The following NPEPPS variants were observed in gnomAD, a reference collection of about 807,000 sequenced individuals.
NPEPPS encodes the protein puromycin-sensitive aminopeptidase.
NPEPPS carries 14 observed loss-of-function variants against 115.5 expected under a neutral mutation model. That is an observed-to-expected ratio of 0.12 (90% CI 0.08 to 0.19). NPEPPS has a LOEUF of 0.19. Ranked by LOEUF, NPEPPS falls within the 10% of genes least tolerant of loss-of-function variation. The probability of loss-of-function intolerance (pLI) is 1.00; values close to 1 mark genes in which losing one functional copy is unlikely to be tolerated. For missense variants in NPEPPS, 523 were observed against 1,110.8 expected, an observed-to-expected ratio of 0.47 and a Z score of 7.52; for synonymous variants, 285 against 390.6, an observed-to-expected ratio of 0.73 and a Z score of 3.19.
chr17:47,586,628 T>C (rs1315014074), intron 8 of NPEPPS: 19 of 594,534 alleles, frequency 3.2e-5, no homozygotes, highest in Non-Finnish European at 4.4e-5. Context: ...GTAGCATTTT[T>C]AGATATATTC....
intron 1 of NPEPPS, among the ~76,000 whole-genome samples, chr17:47,535,549 C>CAA (rs1002859470): frequency 1.1e-4 from 10 of 88,904 alleles, no homozygotes; most frequent in Admixed American, 1.2e-4. Flanking sequence ...GGCTCCGTCT[C>CAA]AAAAAAAAAA....
chr17:47,541,778 A>G (rs1908786376), intron 1 of NPEPPS, among the ~76,000 whole-genome samples: 1 of 152,162 alleles, frequency 6.6e-6, no homozygotes, highest in Admixed American at 6.6e-5. Context: ...CAAAGGTTTT[A>G]GTGCTATTTA....
intron 17 of NPEPPS, among the ~76,000 whole-genome samples, chr17:47,607,352 G>A (rs1027553666): frequency 6.6e-6 from 1 of 152,152 alleles, no homozygotes; most frequent in African/African-American, 2.4e-5. Flanking sequence ...TTGAGACAGA[G>A]GAAACAGCAA....
chr17:47,584,481 C>A (rs1912067429), intron 5 of NPEPPS, among the ~76,000 whole-genome samples: 1 of 152,048 alleles, frequency 6.6e-6, no homozygotes, highest in African/African-American at 2.4e-5. Flanking sequence ...GAAAATAACT[C>A]TTTTATGTAT....
At chr17:47,588,570 A>C (rs1292376260) in intron 9 of NPEPPS, among the ~76,000 whole-genome samples, 1 of 152,136 alleles carries the variant, frequency 6.6e-6, no homozygotes, top group African/African-American at 2.4e-5. Context: ...ATCTCAAAAA[A>C]AAAAAAAGAA....
At chr17:47,608,842 C>G (rs1244177042) in intron 17 of NPEPPS, among the ~76,000 whole-genome samples, 2 of 152,294 alleles carry the variant, frequency 1.3e-5, no homozygotes, top group Non-Finnish European at 2.9e-5. Context: ...TCAGCTGTGT[C>G]AGATGCTACT....
rs1373868224 is a variant in NPEPPS at position 47,618,468 on chromosome 17, G to A, written c.2403+11G>A. ...ACGTTTGCACTTTCAGTAAGTTACG[G>A]TGAAAACTGCATTTAGAAGTGAATC... On this transcript the variant is annotated intron_variant, in intron 20 of 22. Coordinates refer to ENST00000322157, the MANE Select transcript of NPEPPS (RefSeq NM_006310.4). 5 of 1,552,196 alleles carry A rather than the reference G, an allele frequency of 3.2e-6. No homozygotes were observed. The highest frequency in any genetic ancestry group is 3.6e-6 in the Non-Finnish European group (4 of 1,123,704).
chr17:47,538,202 CT>C lies in NPEPPS; in HGVS notation c.255+6670del, dbSNP rs543559258. Among the ~76,000 whole-genome samples, 165 of 58,484 alleles carry C rather than the reference CT, an allele frequency of 2.8e-3. 1 individual carries two copies. The highest frequency in any genetic ancestry group is 0.025 in the Middle Eastern group (1 of 40). 38.4% of individuals were successfully genotyped at this position (58,484 alleles called of 152,430 possible). The stretch of plus-strand genomic sequence containing the variant: ...GCCACCGCGCCTAGCCATATCTGTT[CT>C]TTTTTTTTTTTTTTTTTTTTTTGAG... On this transcript the variant is annotated intron_variant, in intron 1 of 22. Transcript: ENST00000322157.
rs1454274189 is a variant in NPEPPS at position 47,621,859 on chromosome 17, G to A, written c.2699G>A (p.Arg900Gln). The A allele has an allele frequency of 2.5e-6, 4 of 1,613,796 alleles. No individual in the cohort carries two copies. Among genetic ancestry groups the A allele is most frequent in the Non-Finnish European group, 3.4e-6 (4 of 1,179,840 alleles). ...NILLNAAWLK[R>Q]DAESIHQYLL... is the part of the protein sequence containing the mutation. ...CTGCTGAATGCTGCCTGGCTAAAGC[G>A]AGATGCTGAGAGCATCCACCAGTAC... is the stretch of plus-strand genomic sequence containing the variant. The change falls in exon 23 of 23, where the codon CGA becomes CAA. Residue 900 changes from arginine to glutamine, a missense_variant. Physicochemically the swap from Arg to Gln is conservative, Grantham distance 43. This residue lies in a region of NPEPPS where 372 missense variants were observed against 542.6 expected (regional missense o/e 0.69). Coordinates refer to ENST00000322157, the MANE Select transcript of NPEPPS (RefSeq NM_006310.4).
At chr17:47,594,591 T>TTATG (rs1912730751) in intron 12 of NPEPPS, among the ~76,000 whole-genome samples, 1,812 of 138,262 alleles carry the variant, frequency 0.013, 16 homozygotes, top group Middle Eastern at 0.033. Context: ...TGTATTTTAT[T>TTATG]TTATGTTATG....
In NPEPPS at chr17:47,622,173, C is replaced by T. The variant is rs1434027563; in HGVS notation, c.*253C>T. The T allele has an allele frequency of 6.3e-6, 6 of 958,318 alleles. No individual in the cohort carries two copies. Among genetic ancestry groups the T allele is most frequent in the Middle Eastern group, 4.2e-4 (1 of 2,366 alleles). The allele number at this position is 958,318 out of a possible 1,614,324, so 59.4% of individuals were successfully genotyped here. A position where few individuals can be genotyped will look rare whatever the true frequency, so the allele number is the denominator to read the frequency against. On this transcript the variant is annotated 3_prime_UTR_variant, in exon 23 of 23. Transcript: ENST00000322157. Reference sequence around the variant, plus strand: ...ATGATAGTAATAAAATAGAGCATAACGAAACTGTGAAACTTTCTGAAGCCT... The same window carrying T: ...ATGATAGTAATAAAATAGAGCATAATGAAACTGTGAAACTTTCTGAAGCCT...
intron 1 of NPEPPS, among the ~76,000 whole-genome samples, chr17:47,538,170 A>T (rs896583269): frequency 7.4e-6 from 1 of 135,292 alleles, no homozygotes; most frequent in African/African-American, 2.8e-5. Flanking sequence ...TGGGATTACA[A>T]GTGTGAGCCA....
intron 3 of NPEPPS, among the ~76,000 whole-genome samples, chr17:47,575,668 G>C (rs1178410560): frequency 6.6e-6 from 1 of 150,926 alleles, no homozygotes; most frequent in Admixed American, 6.6e-5. Context: ...GCAGTGGCGC[G>C]ATCTCAGCTC....
intron 1 of NPEPPS, among the ~76,000 whole-genome samples, chr17:47,532,512 G>T (rs1021477773): frequency 6.6e-6 from 1 of 151,852 alleles, no homozygotes; most frequent in African/African-American, 2.4e-5. Flanking sequence ...AAATTAGCGG[G>T]GCGTGGTGGC....
chr17:47,569,497 A>T lies in NPEPPS; in HGVS notation c.418+3A>T, dbSNP rs1340838840. ...TTTCCCTAGTACTCTGCAAACAGGT[A>T]AGAGACATAGCTTTTGTAAAATCTC... is the stretch of plus-strand genomic sequence containing the variant. On this transcript the variant is annotated splice_donor_region_variant and intron_variant, in intron 3 of 22. Coordinates refer to ENST00000322157, the MANE Select transcript of NPEPPS (RefSeq NM_006310.4). 2.3e-6 allele frequency: 3 copies of T among 1,288,712 alleles called. No individual in the cohort carries two copies. The highest frequency in any genetic ancestry group is 3.3e-6 in the Non-Finnish European group (3 of 896,380). The allele number at this position is 1,288,712 out of a possible 1,614,324, so 79.8% of individuals were successfully genotyped here.
intron 15 of NPEPPS, chr17:47,602,001 G>A: frequency 2.6e-6 from 1 of 390,174 alleles, no homozygotes; most frequent in Admixed American, 4.5e-5. Context: ...CTGAGTGTAA[G>A]CATATATGAA....
chr17:47,604,000 C>G lies in NPEPPS; in HGVS notation c.1826C>G (p.Ser609Cys). 1 of 1,613,816 alleles carries G rather than the reference C, an allele frequency of 6.2e-7. No homozygotes were observed. The highest frequency in any genetic ancestry group is 2.2e-5 in the East Asian group (1 of 44,872). The change falls in exon 16 of 23, where the codon TCT (serine) becomes TGT (cysteine). Residue 609 changes from serine to cysteine, a missense_variant. Ser to Cys is a moderately radical substitution (Grantham distance 112, BLOSUM62 -1). This residue lies in a region of NPEPPS where 372 missense variants were observed against 542.6 expected (regional missense o/e 0.69). Coordinates refer to ENST00000322157, the MANE Select transcript of NPEPPS (RefSeq NM_006310.4). ...TTATTACCAGGCATTCGTGACCTTTCTCTGCCCCCTGTGGATCGACTTGGA... is the reference window on the plus strand; with the variant it reads ...TTATTACCAGGCATTCGTGACCTTTGTCTGCCCCCTGTGGATCGACTTGGA... ...ESLLPGIRDL[S>C]LPPVDRLGLQ...
intron 2 of NPEPPS, among the ~76,000 whole-genome samples, chr17:47,559,160 C>T (rs1476263346): frequency 6.6e-6 from 1 of 152,136 alleles, no homozygotes; most frequent in East Asian, 1.9e-4. Flanking sequence ...CTTCCCACCT[C>T]AGCCTCCTGA....
intron 19 of NPEPPS, among the ~76,000 whole-genome samples, chr17:47,617,024 G>T (rs1384678217): frequency 6.6e-6 from 1 of 151,928 alleles, no homozygotes; most frequent in African/African-American, 2.4e-5. Flanking sequence ...TAATTTTTAA[G>T]AATTACAACA....
Sources: allele counts gnomAD v4.1 joint callset (sites outside exome capture counted in the v4.1 genomes callset), GRCh38; gene constraint gnomAD v4.1.1; regional missense constraint gnomAD v4.1.1; transcripts MANE v1.5; gene names NCBI Gene and HGNC (gene_info 2026-07-23, HGNC 2026-07-21).